The following GRM7 variants were observed in gnomAD, a reference collection of about 807,000 sequenced individuals.
The protein encoded by GRM7 is glutamate metabotropic receptor 7.
Under a neutral mutation model 84.5 loss-of-function variants are expected in GRM7, and 35 were observed. The ratio of observed to expected loss-of-function variants is 0.41; its 90% CI spans 0.32 to 0.55. The LOEUF (loss-of-function observed/expected upper bound fraction) is 0.55, where lower values mean the gene tolerates loss of function less well. GRM7 is among the 20% of genes least tolerant of loss of function. The pLI, the probability that GRM7 is intolerant of heterozygous loss-of-function variation, is 0.19. For missense variants in GRM7, 1,003 were observed against 1,194.6 expected, an observed-to-expected ratio of 0.84 and a Z score of 2.36; for synonymous variants, 487 against 455.1, an observed-to-expected ratio of 1.07 and a Z score of -0.89.
At chr3:7,667,628 T>G (rs956644343) in intron 8 of GRM7, among the ~76,000 whole-genome samples, 2 of 152,148 alleles carry the variant, frequency 1.3e-5, no homozygotes, top group Admixed American at 6.5e-5. Flanking sequence ...AATTTTTTTT[T>G]CCTAAATTAT....
intron 2 of GRM7, among the ~76,000 whole-genome samples, chr3:7,283,010 G>A (rs1248992611): frequency 6.6e-6 from 1 of 152,192 alleles, no homozygotes; most frequent in African/African-American, 2.4e-5. Context: ...TTAGGCAGAT[G>A]AGATTACTCT....
At chr3:7,473,933 G>A (rs1698815124) in intron 7 of GRM7, among the ~76,000 whole-genome samples, 1 of 152,268 alleles carries the variant, frequency 6.6e-6, no homozygotes, top group South Asian at 2.1e-4. Flanking sequence ...AGTGCAGACA[G>A]TTTTAGTTTC....
At chr3:7,682,173 T>G (rs1470482433) in intron 9 of GRM7, 7 of 151,650 alleles carry the variant, frequency 4.6e-5, no homozygotes, top group African/African-American at 1.5e-4. Flanking sequence ...CCGTCTCTAC[T>G]AAAAATACAA....
chr3:7,106,551 G>A (rs1264935802), intron 1 of GRM7, among the ~76,000 whole-genome samples: 1 of 151,966 alleles, frequency 6.6e-6, no homozygotes. Flanking sequence ...CAAGAATGGG[G>A]CAGCAATCAA....
intron 8 of GRM7, among the ~76,000 whole-genome samples, chr3:7,623,448 C>T (rs1697458285): frequency 6.6e-6 from 1 of 152,146 alleles, no homozygotes; most frequent in African/African-American, 2.4e-5. Flanking sequence ...CTTAGAATCC[C>T]TCTAGCAAAA....
At chr3:6,935,595 G>T (rs191328876) in intron 1 of GRM7, among the ~76,000 whole-genome samples, 1 of 151,502 alleles carries the variant, frequency 6.6e-6, no homozygotes, top group Non-Finnish European at 1.5e-5. Flanking sequence ...TTGCCAGCTG[G>T]CATGATATTA....
At chr3:7,108,040 G>A (rs1477634724) in intron 1 of GRM7, among the ~76,000 whole-genome samples, 2 of 152,048 alleles carry the variant, frequency 1.3e-5, no homozygotes, top group African/African-American at 4.8e-5. Context: ...CCTTTACAGA[G>A]TAGTACTAAC....
At chr3:7,202,878 C>A (rs1696112232) in intron 2 of GRM7, among the ~76,000 whole-genome samples, 1 of 152,138 alleles carries the variant, frequency 6.6e-6, no homozygotes, top group Admixed American at 6.6e-5. Flanking sequence ...AAAAGCCCAC[C>A]AGCATTTTTC....
chr3:7,450,161 T>C (rs982524403), intron 5 of GRM7, among the ~76,000 whole-genome samples: 4 of 152,044 alleles, frequency 2.6e-5, no homozygotes, highest in African/African-American at 7.2e-5. Context: ...AAGAAACAAG[T>C]TTCATCTTTC....
intron 8 of GRM7, among the ~76,000 whole-genome samples, chr3:7,620,953 A>C (rs950047097): frequency 1.3e-5 from 2 of 151,918 alleles, no homozygotes; most frequent in Non-Finnish European, 2.9e-5. Flanking sequence ...TGGGGAGAAA[A>C]GCCTGCCATA....
chr3:7,295,218 C>G (rs970546842), intron 2 of GRM7, among the ~76,000 whole-genome samples: 7 of 151,990 alleles, frequency 4.6e-5, no homozygotes, highest in Non-Finnish European at 1.0e-4. Flanking sequence ...TAAGAAAATC[C>G]AATTATTTTG....
At position 7,578,963 on chromosome 3, in the gene GRM7, A is replaced by G. The variant is rs1174045654; in HGVS notation, c.2057A>G (p.Gln686Arg). The change falls in exon 8 of 10, where the codon CAG (glutamine) becomes CGG (arginine). Residue 686 changes from glutamine to arginine, a missense_variant. Coordinates refer to ENST00000357716, the MANE Select transcript of GRM7 (RefSeq NM_000844.4). ...KTNRIYRIFE[Q>R]GKKSVTAPRL... Reference sequence around the variant, plus strand: ...AATCGGATTTATCGCATATTTGAGCAGGGCAAGAAATCAGTAACAGCTCCC... The same window carrying G: ...AATCGGATTTATCGCATATTTGAGCGGGGCAAGAAATCAGTAACAGCTCCC... 1.2e-6 allele frequency: 2 copies of G among 1,614,034 alleles called. No homozygotes were observed. The highest frequency in any genetic ancestry group is 1.7e-6 in the Non-Finnish European group (2 of 1,180,024).
chr3:7,185,220 C>T (rs1695474845), intron 2 of GRM7, among the ~76,000 whole-genome samples: 1 of 152,310 alleles, frequency 6.6e-6, no homozygotes, highest in African/African-American at 2.4e-5. Context: ...TGACCCCCGA[C>T]ATTCACCTCT....
intron 6 of GRM7, 151 bp downstream of exon 6, chr3:7,452,958 G>A (rs1273135442): frequency 3.4e-6 from 2 of 596,074 alleles, no homozygotes; most frequent in East Asian, 2.8e-5. Flanking sequence ...GCATGAATGA[G>A]CAAATGAATG....
At chr3:7,706,500 C>G (rs1002492384) in intron 9 of GRM7, among the ~76,000 whole-genome samples, 1 of 151,946 alleles carries the variant, frequency 6.6e-6, no homozygotes, top group Non-Finnish European at 1.5e-5. Context: ...AGAAGGACTC[C>G]GAAAATTCAA....
chr3:6,948,355 C>T (rs527251385), intron 1 of GRM7, among the ~76,000 whole-genome samples: 2 of 152,276 alleles, frequency 1.3e-5, no homozygotes, highest in African/African-American at 4.8e-5. Context: ...TCCCATGTAG[C>T]TGAGCGGTTT....
intron 8 of GRM7, among the ~76,000 whole-genome samples, chr3:7,640,291 T>C (rs182607817): frequency 1.6e-4 from 24 of 152,256 alleles, no homozygotes. Context: ...CTGGGACAGG[T>C]GTTCTATAGC....
At chr3:7,179,962 A>G (rs893910669) in intron 2 of GRM7, among the ~76,000 whole-genome samples, 7 of 152,190 alleles carry the variant, frequency 4.6e-5, no homozygotes, top group African/African-American at 1.4e-4. Context: ...CAGTGACCTT[A>G]AGAAGTCCAG....
chr3:6,998,018 T>G (rs1012637918), intron 1 of GRM7, among the ~76,000 whole-genome samples: 1 of 142,314 alleles, frequency 7.0e-6, no homozygotes, highest in East Asian at 2.1e-4. Context: ...ACTTGGGAGG[T>G]TGAGGCAGGA....
Sources: allele counts gnomAD v4.1 joint callset (sites outside exome capture counted in the v4.1 genomes callset), GRCh38; gene constraint gnomAD v4.1.1; transcripts MANE v1.5; gene names NCBI Gene and HGNC (gene_info 2026-07-23, HGNC 2026-07-21).